Variants in CSMD1 observed in about 807,000 individuals in gnomAD.
The protein encoded by CSMD1 is CUB and sushi domain-containing protein 1.
A neutral mutation model predicts 417.5 loss-of-function variants in CSMD1; 213 were observed. The ratio of observed to expected loss-of-function variants is 0.51; its 90% CI spans 0.46 to 0.57. The LOEUF (loss-of-function observed/expected upper bound fraction) is 0.57, where lower values mean the gene tolerates loss of function less well. CSMD1 is among the 20% of genes least tolerant of loss of function. The probability of loss-of-function intolerance (pLI) is 0.00; values close to 1 mark genes in which losing one functional copy is unlikely to be tolerated. For synonymous variants in CSMD1, 2,862 were observed against 1,736.8 expected (o/e 1.65, Z -16.11); for missense variants, 6,923 against 4,529.7 (o/e 1.53, Z -15.17).
rs117887100 is a variant in CSMD1 at position 4,680,475 on chromosome 8, G to T, written c.86-42917C>A. On this transcript the variant is annotated intron_variant, in intron 1 of 69. Transcript: ENST00000635120. Reference sequence around the variant, plus strand: ...TCATCATCGTACCTTCACACTTGATGACACTGGGCAGATGCATTAAATTAT... The same window carrying T: ...TCATCATCGTACCTTCACACTTGATTACACTGGGCAGATGCATTAAATTAT... Among the ~76,000 whole-genome samples the T allele has an allele frequency of 2.3e-4, 35 of 152,284 alleles. No homozygotes were observed. The East Asian group carries it at 4.8e-3, about 21-fold the overall frequency.
At chr8:3,888,674 G>A (rs1349651334) in intron 5 of CSMD1, among the ~76,000 whole-genome samples, 1 of 152,126 alleles carries the variant, frequency 6.6e-6, no homozygotes, top group East Asian at 1.9e-4. Flanking sequence ...TGTGCACTGA[G>A]AGAGAAAGAG....
intron 1 of CSMD1, among the ~76,000 whole-genome samples, chr8:4,935,145 G>A (rs1807520745): frequency 6.6e-6 from 1 of 152,210 alleles, no homozygotes; most frequent in South Asian, 2.1e-4. Flanking sequence ...ATGTGTATCA[G>A]TCACAGGTGA....
At chr8:4,736,036 T>C (rs1810211439) in intron 1 of CSMD1, among the ~76,000 whole-genome samples, 1 of 152,178 alleles carries the variant, frequency 6.6e-6, no homozygotes, top group South Asian at 2.1e-4. Context: ...CTCAGGCTAT[T>C]ATGGACATTT....
chr8:3,444,107 G>T (rs1053233560), intron 12 of CSMD1, among the ~76,000 whole-genome samples: 6 of 152,036 alleles, frequency 3.9e-5, no homozygotes, highest in African/African-American at 1.4e-4. Context: ...ACTCCCTATC[G>T]AGTGAAAGGG....
chr8:4,994,642 G>A lies in CSMD1; in HGVS notation c.-226C>T. 1 of 457,010 alleles carries A rather than the reference G, an allele frequency of 2.2e-6. No individual in the cohort carries two copies. The allele number at this position is 457,010 out of a possible 1,614,324, so 28.3% of individuals were successfully genotyped here. The stretch of plus-strand genomic sequence containing the variant: ...GCAGGGCTGAGCTGCTCCGAGCGCG[G>A]AGACCCGGGCTGGCGGGGCCGGGGC... On this transcript the variant is annotated 5_prime_UTR_variant, in exon 1 of 70. Transcript: ENST00000635120.
intron 46 of CSMD1, among the ~76,000 whole-genome samples, chr8:3,102,852 C>T (rs528645654): frequency 2.0e-5 from 3 of 152,278 alleles, no homozygotes; most frequent in African/African-American, 7.2e-5. Flanking sequence ...TCTCCTGGGC[C>T]TTGAAGCATG....
At chr8:3,223,223 T>C (rs1052937237) in intron 28 of CSMD1, among the ~76,000 whole-genome samples, 1 of 152,186 alleles carries the variant, frequency 6.6e-6, no homozygotes, top group Admixed American at 6.5e-5. Flanking sequence ...AGTTAGCATA[T>C]TTTTAGGACT....
intron 5 of CSMD1, among the ~76,000 whole-genome samples, chr8:3,892,325 C>G (rs74654735): frequency 0.016 from 2,410 of 152,228 alleles, 62 homozygotes; most frequent in African/African-American, 0.054. Context: ...GGGAAACTGT[C>G]TTCAGCCTAT....
At chr8:4,122,335 C>T (rs1001245929) in intron 3 of CSMD1, among the ~76,000 whole-genome samples, 5 of 152,020 alleles carry the variant, frequency 3.3e-5, no homozygotes, top group Non-Finnish European at 7.4e-5. Flanking sequence ...GGATATTTAA[C>T]CCAAGAAGAA....
intron 2 of CSMD1, among the ~76,000 whole-genome samples, chr8:4,452,164 G>A (rs908650914): frequency 1.3e-5 from 2 of 152,022 alleles, no homozygotes; most frequent in African/African-American, 4.8e-5. Context: ...GAGTTTCCAT[G>A]CCTCTTCCTT....
chr8:3,541,392 G>A (rs969293219), intron 10 of CSMD1, among the ~76,000 whole-genome samples: 3 of 152,242 alleles, frequency 2.0e-5, no homozygotes, highest in African/African-American at 2.4e-5. Context: ...GCTGGGGAGG[G>A]AGAGCATCAG....
At chr8:4,434,997 T>C (rs1270575449) in intron 2 of CSMD1, among the ~76,000 whole-genome samples, 1 of 152,212 alleles carries the variant, frequency 6.6e-6, no homozygotes, top group Non-Finnish European at 1.5e-5. Context: ...TTTTGCATAC[T>C]TTTGTCTACT....
Position 2,944,141 on chromosome 8 carries a change from G to A in CSMD1, c.10403-1537C>T, listed in dbSNP as rs371214566. ...TTTTTGAGATCTGCCCCACCATCAC[G>A]CAAAAGGAAGATGCCAGACACTTGC... On this transcript the variant is annotated intron_variant, in intron 68 of 69. Coordinates refer to ENST00000635120, the MANE Select transcript of CSMD1 (RefSeq NM_033225.6). Among the ~76,000 whole-genome samples, 327 of 152,280 alleles carry A rather than the reference G, an allele frequency of 2.1e-3. 1 individual carries two copies. Among genetic ancestry groups the A allele is most frequent in the African/African-American group, 7.5e-3 (313 of 41,544 alleles).
intron 3 of CSMD1, among the ~76,000 whole-genome samples, chr8:4,104,992 T>TA (rs11393514): frequency 0.51 from 76,204 of 150,670 alleles, 19,798 homozygotes; most frequent in Non-Finnish European, 0.57. Context: ...AGTTTCACAT[T>TA]AAAAAAAAAG....
chr8:3,803,162 G>A (rs1017130436), intron 5 of CSMD1, among the ~76,000 whole-genome samples: 2 of 152,134 alleles, frequency 1.3e-5, no homozygotes, highest in Non-Finnish European at 2.9e-5. Context: ...TTCTAATCAT[G>A]CTGAAAGCAA....
At chr8:4,080,527 G>C (rs911313907) in intron 3 of CSMD1, among the ~76,000 whole-genome samples, 3 of 152,192 alleles carry the variant, frequency 2.0e-5, no homozygotes, top group Non-Finnish European at 2.9e-5. Context: ...GATCAAGACT[G>C]TCTTGTCCAA....
At chr8:3,032,652 G>A (rs1810418289) in intron 50 of CSMD1, among the ~76,000 whole-genome samples, 1 of 151,922 alleles carries the variant, frequency 6.6e-6, no homozygotes, top group Non-Finnish European at 1.5e-5. Context: ...TCTAGTCACT[G>A]ACATCAGAAG....
chr8:4,485,019 AAG>A (rs1563222501), intron 2 of CSMD1, among the ~76,000 whole-genome samples: 14 of 127,300 alleles, frequency 1.1e-4, no homozygotes, highest in Non-Finnish European at 2.0e-4. Flanking sequence ...AAAAAAAAAA[AAG>A]AAAGAGTCAC....
chr8:3,184,645 C>T (rs542980909), intron 36 of CSMD1, among the ~76,000 whole-genome samples: 7 of 152,300 alleles, frequency 4.6e-5, no homozygotes, highest in South Asian at 2.1e-4. Context: ...CATGGGCATA[C>T]GACGTGTCTT....
Sources: gnomAD v4.1 joint callset for allele counts (sites outside exome capture counted in the v4.1 genomes callset) on GRCh38, gnomAD v4.1.1 for gene constraint, MANE v1.5 for transcripts, NCBI Gene and HGNC (gene_info 2026-07-23, HGNC 2026-07-21) for gene names.